CLEC16A: variants seen among roughly 807,000 people sequenced by gnomAD.
CLEC16A encodes the protein C-type lectin domain containing 16A, also known as protein CLEC16A.
In CLEC16A, 51 loss-of-function variants were observed where a neutral mutation model predicts 109.5. That is an observed-to-expected ratio of 0.47 (90% CI 0.37 to 0.59). The LOEUF is 0.59. CLEC16A is among the 20% of genes least tolerant of loss of function. The pLI is 0.00. For synonymous variants in CLEC16A, 673 were observed against 564.2 expected (o/e 1.19, Z -2.73); for missense variants, 1,339 against 1,394.0 (o/e 0.96, Z 0.63).
chr16:11,026,218 T>C (rs2046396948), intron 13 of CLEC16A, among the ~76,000 whole-genome samples: 1 of 152,238 alleles, frequency 6.6e-6, no homozygotes, highest in South Asian at 2.1e-4. Flanking sequence ...TTCTCCTTGA[T>C]TTTCTGGAGG....
intron 2 of CLEC16A, 27 bp downstream of exon 2, chr16:10,957,937 T>G (rs1263253701): frequency 1.2e-6 from 2 of 1,607,092 alleles, no homozygotes; most frequent in African/African-American, 2.7e-5. Context: ...ATTGCTGTTC[T>G]TTGATTATTC....
intron 19 of CLEC16A, among the ~76,000 whole-genome samples, chr16:11,093,902 G>C (rs1360565705): frequency 6.6e-6 from 1 of 152,198 alleles, no homozygotes; most frequent in Non-Finnish European, 1.5e-5. Context: ...CCAGGTGAGA[G>C]GACAGTGACC....
At chr16:11,016,657 A>G (rs754635184) in intron 11 of CLEC16A, among the ~76,000 whole-genome samples, 35 of 152,080 alleles carry the variant, frequency 2.3e-4, no homozygotes, top group African/African-American at 2.9e-4. Flanking sequence ...TCTTGGCCAT[A>G]TCTGTGTACT....
At chr16:11,109,819 G>C (rs1050444449) in intron 19 of CLEC16A, among the ~76,000 whole-genome samples, 2 of 152,138 alleles carry the variant, frequency 1.3e-5, no homozygotes, top group Non-Finnish European at 2.9e-5. Flanking sequence ...TTAACCACAC[G>C]TGCTTGAAAG....
chr16:11,132,292 C>G (rs1187102279), intron 22 of CLEC16A, among the ~76,000 whole-genome samples: 9 of 135,642 alleles, frequency 6.6e-5, no homozygotes, highest in Admixed American at 5.2e-4. Context: ...CTTTCTGTCT[C>G]TATAGATTTA....
chr16:10,981,619 G>A (rs2043325240), intron 9 of CLEC16A, among the ~76,000 whole-genome samples: 1 of 152,206 alleles, frequency 6.6e-6, no homozygotes, highest in South Asian at 2.1e-4. Context: ...GCACTCCCCA[G>A]AGGCAGCCTG....
At chr16:11,109,561 A>G (rs540719841) in intron 19 of CLEC16A, among the ~76,000 whole-genome samples, 2 of 152,306 alleles carry the variant, frequency 1.3e-5, no homozygotes, top group African/African-American at 4.8e-5. Context: ...CCCTCCCTGC[A>G]CCACCCACAG....
intron 1 of CLEC16A, among the ~76,000 whole-genome samples, chr16:10,948,173 A>C (rs56351428): frequency 2.0e-5 from 3 of 152,196 alleles, no homozygotes; most frequent in Non-Finnish European, 2.9e-5. Context: ...GATTACAGGC[A>C]TGAGCCACTG....
chr16:11,152,800 C>G (rs2054345587), intron 22 of CLEC16A, among the ~76,000 whole-genome samples: 1 of 152,202 alleles, frequency 6.6e-6, no homozygotes, highest in East Asian at 1.9e-4. Context: ...CAGCCTCCCT[C>G]TGACACTGCT....
chr16:10,982,679 A>T (rs975576586), intron 9 of CLEC16A, among the ~76,000 whole-genome samples, 199 bp from the exon 10 acceptor site: 2 of 152,244 alleles, frequency 1.3e-5, no homozygotes, highest in Admixed American at 1.3e-4. Context: ...AATAGGCAAC[A>T]GTCTGAAGGA....
chr16:10,987,759 A>T (rs1303604937), intron 10 of CLEC16A, among the ~76,000 whole-genome samples: 1 of 152,110 alleles, frequency 6.6e-6, no homozygotes, highest in Non-Finnish European at 1.5e-5. Context: ...ACAGACTCCT[A>T]TTGTTTCCTG....
At chr16:11,019,159 G>T (rs996963730) in intron 11 of CLEC16A, among the ~76,000 whole-genome samples, 1 of 152,138 alleles carries the variant, frequency 6.6e-6, no homozygotes, top group Non-Finnish European at 1.5e-5. Context: ...TCTCCCGAAG[G>T]TGGGGAAAAA....
chr16:11,064,186 A>C (rs976190621), intron 19 of CLEC16A, among the ~76,000 whole-genome samples: 7 of 152,252 alleles, frequency 4.6e-5, no homozygotes, highest in African/African-American at 1.7e-4. Context: ...CAAATGGAAG[A>C]CATCATATTA....
intron 23 of CLEC16A, among the ~76,000 whole-genome samples, chr16:11,170,798 G>A (rs1462545980): frequency 6.6e-6 from 1 of 152,238 alleles, no homozygotes; most frequent in Non-Finnish European, 1.5e-5. Context: ...GGCAGGCGGG[G>A]TGGCTGAGGC....
intron 1 of CLEC16A, 112 bp downstream of exon 1, chr16:10,944,909 G>T: frequency 9.4e-7 from 1 of 1,060,662 alleles, no homozygotes; most frequent in Non-Finnish European, 1.4e-6. Context: ...GGCGCCCGGG[G>T]AAGCCCGTGT....
At chr16:10,948,179 CA>C (rs2041528009) in intron 1 of CLEC16A, among the ~76,000 whole-genome samples, 1 of 152,204 alleles carries the variant, frequency 6.6e-6, no homozygotes, top group African/African-American at 2.4e-5. Flanking sequence ...AGGCATGAGC[CA>C]CTGCACCCGG....
chr16:11,083,067 G>GT (rs2049816104), intron 19 of CLEC16A, among the ~76,000 whole-genome samples: 1 of 152,206 alleles, frequency 6.6e-6, no homozygotes, highest in Non-Finnish European at 1.5e-5. Context: ...AGCCAAGGAG[G>GT]TTTGCTTAGT....
intron 19 of CLEC16A, among the ~76,000 whole-genome samples, chr16:11,085,101 CGTT>C (rs1041819917): frequency 7.9e-5 from 12 of 152,230 alleles, no homozygotes; most frequent in African/African-American, 2.9e-4. Flanking sequence ...AGGAGCCTGT[CGTT>C]GTCTGAAGGG....
At chr16:11,128,381 C>G (rs78394940) in intron 22 of CLEC16A, among the ~76,000 whole-genome samples, 1 of 152,218 alleles carries the variant, frequency 6.6e-6, no homozygotes, top group Admixed American at 6.5e-5. Flanking sequence ...GCCTGCCTGC[C>G]GGGGTGGTTG....
Sources: gnomAD v4.1 joint callset for allele counts (sites outside exome capture counted in the v4.1 genomes callset) on GRCh38, gnomAD v4.1.1 for gene constraint, MANE v1.5 for transcripts, NCBI Gene and HGNC (gene_info 2026-07-23, HGNC 2026-07-21) for gene names.